CDK17: variants seen among roughly 807,000 people sequenced by gnomAD.
CDK17 encodes cyclin-dependent kinase 17.
CDK17 carries 24 observed loss-of-function variants against 77.6 expected under a neutral mutation model. The observed-to-expected ratio is 0.31, with a 90% CI of 0.22 to 0.44. CDK17 has a LOEUF of 0.44. CDK17 is among the 20% of genes least tolerant of loss of function. The pLI, the probability that CDK17 is intolerant of heterozygous loss-of-function variation, is 1.00. For synonymous variants in CDK17, 203 were observed against 210.4 expected, an observed-to-expected ratio of 0.96 and a Z score of 0.30; for missense variants, 429 against 622.5, an observed-to-expected ratio of 0.69 and a Z score of 3.31.
chr12:96,301,200 T>C (rs745871310), intron 5 of CDK17, among the ~76,000 whole-genome samples: 2 of 142,074 alleles, frequency 1.4e-5, no homozygotes, highest in Admixed American at 7.2e-5. Context: ...GAAGCAGCAA[T>C]GTAAGTCTAA....
intron 14 of CDK17, 128 bp downstream of exon 14, chr12:96,283,473 CAT>C: frequency 1.7e-6 from 1 of 585,792 alleles, no homozygotes. Flanking sequence ...TTAACTTAAA[CAT>C]GTGCCTTAAG....
At chr12:96,345,330 T>C (rs557167523) in intron 1 of CDK17, among the ~76,000 whole-genome samples, 8 of 152,352 alleles carry the variant, frequency 5.3e-5, no homozygotes, top group African/African-American at 1.9e-4. Flanking sequence ...TTATATTCCT[T>C]TGGGTATATA....
At chr12:96,330,558 C>A (rs930960910) in intron 2 of CDK17, among the ~76,000 whole-genome samples, 2 of 152,172 alleles carry the variant, frequency 1.3e-5, no homozygotes, top group African/African-American at 4.8e-5. Context: ...GGGAACCACT[C>A]ATCTACTTTT....
At chr12:96,313,603 T>C (rs1952671327) in intron 3 of CDK17, 149 bp from the exon 4 acceptor site, 2 of 433,852 alleles carry the variant, frequency 4.6e-6, no homozygotes, top group East Asian at 3.6e-5. Flanking sequence ...ATGCAGTTAA[T>C]AGATGAAAAC....
chr12:96,316,417 A>G (rs1229868153), intron 3 of CDK17, among the ~76,000 whole-genome samples: 3 of 146,386 alleles, frequency 2.0e-5, no homozygotes, highest in African/African-American at 7.6e-5. Context: ...TTAGGTAAAC[A>G]AAGCAGCCAC....
intron 1 of CDK17, among the ~76,000 whole-genome samples, chr12:96,379,147 T>A (rs1442412777): frequency 3.3e-5 from 5 of 152,128 alleles, no homozygotes. Flanking sequence ...AAAATCTAAA[T>A]TTAGTAAAAT....
intron 1 of CDK17, among the ~76,000 whole-genome samples, chr12:96,392,129 CAT>C (rs1592776008): frequency 6.6e-6 from 1 of 152,136 alleles, no homozygotes; most frequent in Non-Finnish European, 1.5e-5. Flanking sequence ...TACAACATAA[CAT>C]ATTAAGTACT....
intron 5 of CDK17, 28 bp downstream of exon 5, chr12:96,311,024 G>C: frequency 6.4e-7 from 1 of 1,574,704 alleles, no homozygotes; most frequent in Non-Finnish European, 8.6e-7. Context: ...CTGATTGATG[G>C]TGGAGGTATA....
intron 2 of CDK17, among the ~76,000 whole-genome samples, chr12:96,328,864 G>T (rs190466461): frequency 1.8e-4 from 27 of 152,166 alleles, no homozygotes; most frequent in Admixed American, 9.8e-4. Context: ...CAAGGAGAGG[G>T]TATAGACAGA....
chr12:96,399,048 G>A (rs968699597), intron 1 of CDK17: 1 of 152,244 alleles, frequency 6.6e-6, no homozygotes, highest in African/African-American at 2.4e-5. Flanking sequence ...CAGACATCCT[G>A]TCATTAACAA....
At chr12:96,377,544 C>A (rs1027625512) in intron 1 of CDK17, among the ~76,000 whole-genome samples, 1 of 152,102 alleles carries the variant, frequency 6.6e-6, no homozygotes, top group African/African-American at 2.4e-5. Flanking sequence ...CTGAGTTAAA[C>A]CAGTTCTCAT....
At chr12:96,284,477 A>AG (rs1952221134) in intron 13 of CDK17, 1 of 151,784 alleles carries the variant, frequency 6.6e-6, no homozygotes, top group East Asian at 1.9e-4. Flanking sequence ...AAAAAAAAAA[A>AG]AAAAAAATTC....
chr12:96,366,930 TTCC>T (rs983966073), intron 1 of CDK17, among the ~76,000 whole-genome samples: 7 of 152,192 alleles, frequency 4.6e-5, no homozygotes, highest in Non-Finnish European at 8.8e-5. Context: ...TTCCTTTTCT[TTCC>T]TCATTTCATG....
At chr12:96,312,839 CAAAGG>C (rs1952661138) in intron 4 of CDK17, among the ~76,000 whole-genome samples, 1 of 151,792 alleles carries the variant, frequency 6.6e-6, no homozygotes, top group Non-Finnish European at 1.5e-5. Flanking sequence ...CAGTGAACCA[CAAAGG>C]AAAGGACACC....
In CDK17 at chr12:96,389,816, TTTTG is replaced by T. The variant is rs200395292; in HGVS notation, c.-30+10166_-30+10169del. Among the ~76,000 whole-genome samples the T allele has an allele frequency of 8.3e-3, 1,103 of 132,184 alleles. 7 individuals carry two copies. The highest frequency in any genetic ancestry group is 0.015 in the Middle Eastern group (4 of 272). 86.7% of individuals were successfully genotyped at this position (132,184 alleles called of 152,430 possible). A position where few individuals can be genotyped will look rare whatever the true frequency, so the allele number is the denominator to read the frequency against. On this transcript the variant is annotated intron_variant, in intron 1 of 16. Transcript: ENST00000261211. ...ACACACCTACTATAGAAGAGGGTTTTTTTGTTTGTTTGTTTTTTGTTTTTTTTTT... is the reference window on the plus strand; with the variant it reads ...ACACACCTACTATAGAAGAGGGTTTTTTTGTTTGTTTTTTGTTTTTTTTTT...
chr12:96,313,518 T>A, intron 3 of CDK17, 64 bp from the exon 4 acceptor site: 1 of 954,968 alleles, frequency 1.0e-6, no homozygotes, highest in Non-Finnish European at 1.4e-6. Flanking sequence ...TTATTATCAC[T>A]ATGGGTAAAA....
chr12:96,308,531 C>A (rs76926746), intron 5 of CDK17, among the ~76,000 whole-genome samples: 7,819 of 151,764 alleles, frequency 0.052, 263 homozygotes, highest in Non-Finnish European at 0.064. Flanking sequence ...GCATTCAAGA[C>A]CAGCCTGGCC....
intron 1 of CDK17, among the ~76,000 whole-genome samples, chr12:96,341,962 T>C (rs991729039): frequency 1.3e-5 from 2 of 152,206 alleles, no homozygotes; most frequent in Non-Finnish European, 2.9e-5. Flanking sequence ...AATTGCAAAA[T>C]ATTAAAGAAA....
At chr12:96,342,848 G>A (rs11108474) in intron 1 of CDK17, among the ~76,000 whole-genome samples, 12,522 of 152,016 alleles carry the variant, frequency 0.082, 691 homozygotes, top group South Asian at 0.18. Flanking sequence ...TGTAATCCCA[G>A]CTACTCGGGA....
Sources: allele counts gnomAD v4.1 joint callset (sites outside exome capture counted in the v4.1 genomes callset), GRCh38; gene constraint gnomAD v4.1.1; transcripts MANE v1.5; gene names NCBI Gene and HGNC (gene_info 2026-07-23, HGNC 2026-07-21).